The following IMMP2L variants were observed in gnomAD, a reference collection of about 807,000 sequenced individuals.
The protein encoded by IMMP2L is mitochondrial inner membrane protease subunit 2.
A neutral mutation model predicts 19.3 loss-of-function variants in IMMP2L; 18 were observed. That is an observed-to-expected ratio of 0.93 (90% confidence interval 0.64 to 1.38). The LOEUF (loss-of-function observed/expected upper bound fraction) is 1.38. Among genes scored for constraint, IMMP2L ranks in the 40% most tolerant of loss-of-function variants. The pLI is 0.00. For synonymous variants in IMMP2L, 76 were observed against 73.0 expected, an observed-to-expected ratio of 1.04 and a Z score of -0.21; for missense variants, 233 against 218.2, an observed-to-expected ratio of 1.07 and a Z score of -0.43.
At chr7:110,906,747 G>T (rs1293474294) in intron 4 of IMMP2L, among the ~76,000 whole-genome samples, 1 of 152,042 alleles carries the variant, frequency 6.6e-6, no homozygotes, top group African/African-American at 2.4e-5. Flanking sequence ...GACTTATCTG[G>T]TTATTTTTAG....
At chr7:111,309,630 G>C (rs1410952485) in intron 3 of IMMP2L, among the ~76,000 whole-genome samples, 1 of 151,770 alleles carries the variant, frequency 6.6e-6, no homozygotes, top group South Asian at 2.1e-4. Context: ...TCATGTATTT[G>C]GATGAAAAAA....
intron 5 of IMMP2L, among the ~76,000 whole-genome samples, chr7:110,725,220 A>C (rs1003679594): frequency 1.3e-5 from 2 of 152,194 alleles, no homozygotes; most frequent in Non-Finnish European, 2.9e-5. Flanking sequence ...AGGAAACCAG[A>C]AACGACAATT....
chr7:111,277,568 A>T (rs961936213), intron 3 of IMMP2L, among the ~76,000 whole-genome samples: 3 of 31,662 alleles, frequency 9.5e-5, no homozygotes, highest in Admixed American at 3.9e-4. Context: ...GTCTCATTTA[A>T]AAAAAAAAAA....
At chr7:111,137,432 T>A (rs575745348) in intron 3 of IMMP2L, among the ~76,000 whole-genome samples, 1 of 152,298 alleles carries the variant, frequency 6.6e-6, no homozygotes, top group Non-Finnish European at 1.5e-5. Context: ...GAATTCACAA[T>A]TTTTCCATTA....
intron 3 of IMMP2L, among the ~76,000 whole-genome samples, chr7:111,008,576 C>G (rs954130498): frequency 6.6e-6 from 1 of 151,866 alleles, no homozygotes; most frequent in Admixed American, 6.6e-5. Flanking sequence ...TGGCCACACA[C>G]GTGCACACAC....
intron 1 of IMMP2L, 127 bp from the exon 2 acceptor site, chr7:111,521,576 C>G (rs1846335757): frequency 1.0e-5 from 7 of 689,110 alleles, no homozygotes; most frequent in Non-Finnish European, 1.6e-5. Flanking sequence ...ATTACACACT[C>G]ATTCCTGTAA....
At chr7:111,443,936 C>T (rs114473297) in intron 3 of IMMP2L, among the ~76,000 whole-genome samples, 3,070 of 152,064 alleles carry the variant, frequency 0.02, 106 homozygotes, top group African/African-American at 0.07. Context: ...GTAAAGCATA[C>T]AGTATGTGCA....
chr7:111,399,367 T>C (rs915123080), intron 3 of IMMP2L, among the ~76,000 whole-genome samples: 1 of 151,820 alleles, frequency 6.6e-6, no homozygotes, highest in Admixed American at 6.6e-5. Context: ...AGCAAACAGA[T>C]TAATTTTTTT....
chr7:111,317,419 T>C (rs781648441), intron 3 of IMMP2L, among the ~76,000 whole-genome samples: 5 of 152,146 alleles, frequency 3.3e-5, no homozygotes, highest in Non-Finnish European at 5.9e-5. Context: ...ATTTATATAT[T>C]AAGATCCAAC....
At chr7:111,324,671 T>C (rs1421380886) in intron 3 of IMMP2L, among the ~76,000 whole-genome samples, 3 of 151,802 alleles carry the variant, frequency 2.0e-5, no homozygotes, top group Non-Finnish European at 2.9e-5. Flanking sequence ...ATTCCAATAC[T>C]ATATTCCCTA....
intron 3 of IMMP2L, among the ~76,000 whole-genome samples, chr7:111,020,942 G>C (rs1191504718): frequency 6.6e-6 from 1 of 152,070 alleles, no homozygotes; most frequent in African/African-American, 2.4e-5. Flanking sequence ...GTGTCATGAG[G>C]TATTTCTTAA....
At chr7:110,672,962 C>T (rs893867648) in intron 5 of IMMP2L, among the ~76,000 whole-genome samples, 2 of 152,140 alleles carry the variant, frequency 1.3e-5, no homozygotes, top group African/African-American at 4.8e-5. Context: ...GGATGGTGGC[C>T]CTCTTCTCAC....
intron 5 of IMMP2L, among the ~76,000 whole-genome samples, chr7:110,693,977 G>A (rs1263915464): frequency 1.3e-5 from 2 of 152,092 alleles, no homozygotes; most frequent in African/African-American, 2.4e-5. Flanking sequence ...GGGGAACAGA[G>A]GGGACCTTCA....
chr7:110,803,003 T>C lies in IMMP2L; in HGVS notation c.408+83590A>G, dbSNP rs374069252. ...ACCACTTGATGTTAAAATAGAAATA[T>C]GCAAAAGAAGTAGAGATTATAAACA... On this transcript the variant is annotated intron_variant, in intron 5 of 5. Transcript: ENST00000405709. This position sits in a 1 kb window ranked among gnomAD's most constrained non-coding sequence, Gnocchi z 4.2. 2.0e-5 allele frequency among the ~76,000 whole-genome samples: 3 copies of C among 152,206 alleles called. No individual in the cohort carries two copies. The highest frequency in any genetic ancestry group is 4.1e-4 in the South Asian group (2 of 4,820).
At chr7:111,026,570 A>C (rs2129567927) in intron 3 of IMMP2L, among the ~76,000 whole-genome samples, 1 of 152,278 alleles carries the variant, frequency 6.6e-6, no homozygotes, top group African/African-American at 2.4e-5. Context: ...ACATATAAAT[A>C]GCTCGGAAAT....
chr7:111,039,636 A>T (rs575739025), intron 3 of IMMP2L, among the ~76,000 whole-genome samples: 1 of 152,348 alleles, frequency 6.6e-6, no homozygotes, highest in African/African-American at 2.4e-5. Flanking sequence ...ATAAAGTATT[A>T]ACATGGTAGT....
intron 3 of IMMP2L, among the ~76,000 whole-genome samples, chr7:111,355,830 C>T (rs918905827): frequency 6.6e-6 from 1 of 151,834 alleles, no homozygotes. Flanking sequence ...TGTGTTTAAG[C>T]TTTATTAATA....
At chr7:111,526,591 A>G (rs894296916) in intron 1 of IMMP2L, among the ~76,000 whole-genome samples, 4 of 152,186 alleles carry the variant, frequency 2.6e-5, no homozygotes, top group African/African-American at 9.7e-5. Flanking sequence ...TCTCACCCCA[A>G]TCTCTGCTGC....
intron 3 of IMMP2L, among the ~76,000 whole-genome samples, chr7:111,148,864 G>A (rs1218633608): frequency 6.6e-6 from 1 of 151,978 alleles, no homozygotes; most frequent in African/African-American, 2.4e-5. Context: ...GTTCCTCTAA[G>A]TGCTTCATGT....
Sources: allele counts gnomAD v4.1 joint callset (sites outside exome capture counted in the v4.1 genomes callset), GRCh38; gene constraint gnomAD v4.1.1; non-coding constraint Gnocchi (gnomAD v3.1); transcripts MANE v1.5; gene names NCBI Gene and HGNC (gene_info 2026-07-23, HGNC 2026-07-21).